The following NKAIN1 variants were observed in gnomAD, a reference collection of about 807,000 sequenced individuals.
NKAIN1 encodes sodium/potassium transporting ATPase interacting 1, also known as sodium/potassium-transporting ATPase subunit beta-1-interacting protein 1.
A neutral mutation model predicts 31.6 loss-of-function variants in NKAIN1; 13 were observed. The ratio of observed to expected loss-of-function variants is 0.41; its 90% confidence interval spans 0.27 to 0.65. The LOEUF is 0.65. NKAIN1 is among the 30% of genes least tolerant of loss of function. The probability of loss-of-function intolerance (pLI) is 0.30; values close to 1 mark genes in which losing one functional copy is unlikely to be tolerated. For synonymous variants in NKAIN1, 104 were observed against 109.0 expected (o/e 0.95, Z 0.28); for missense variants, 193 against 262.2 (o/e 0.74, Z 1.82).
intron 1 of NKAIN1, among the ~76,000 whole-genome samples, chr1:31,193,487 G>A (rs961260923): frequency 1.3e-5 from 2 of 152,006 alleles, no homozygotes; most frequent in African/African-American, 2.4e-5. Flanking sequence ...ACGAGGTCAG[G>A]AGTTCGAGAT....
chr1:31,200,013 GCACACACACACGCACA>G (rs1250722321), intron 1 of NKAIN1, among the ~76,000 whole-genome samples: 2 of 95,164 alleles, frequency 2.1e-5, no homozygotes, highest in African/African-American at 6.2e-5. Context: ...GCACACACAT[GCACACACACACGCACA>G]CACACACACA....
intron 1 of NKAIN1, among the ~76,000 whole-genome samples, chr1:31,202,460 G>A (rs1037951305): frequency 2.0e-5 from 3 of 151,838 alleles, no homozygotes; most frequent in Admixed American, 6.6e-5. Context: ...GGCGGATCAC[G>A]AGGTCAGGAG....
intron 1 of NKAIN1, among the ~76,000 whole-genome samples, chr1:31,195,959 C>T (rs2148352995): frequency 6.6e-6 from 1 of 151,646 alleles, no homozygotes; most frequent in Non-Finnish European, 1.5e-5. Flanking sequence ...TCTCAACACT[C>T]TCACCCCCAA....
intron 1 of NKAIN1, among the ~76,000 whole-genome samples, chr1:31,216,435 T>A (rs1254288266): frequency 6.6e-6 from 1 of 152,220 alleles, no homozygotes; most frequent in Non-Finnish European, 1.5e-5. Flanking sequence ...TTGATTCATT[T>A]AATCTTCAAA....
At chr1:31,190,883 T>A (rs1645279566) in intron 1 of NKAIN1, among the ~76,000 whole-genome samples, 1 of 152,178 alleles carries the variant, frequency 6.6e-6, no homozygotes, top group African/African-American at 2.4e-5. Flanking sequence ...AGCTTGATGT[T>A]CTTGACTCAG....
At chr1:31,185,025 C>T (rs1645231743) in intron 3 of NKAIN1, 1 of 535,046 alleles carries the variant, frequency 1.9e-6, no homozygotes, top group Admixed American at 3.1e-5. Context: ...GGCTCATCTT[C>T]ACATGGACTG....
intron 1 of NKAIN1, among the ~76,000 whole-genome samples, chr1:31,210,291 CT>C (rs5773343): frequency 0.73 from 99,030 of 136,226 alleles, 36,307 homozygotes; most frequent in Middle Eastern, 0.88. Context: ...TTTTGCCATT[CT>C]TTTTTTTTTT....
chr1:31,223,390 A>AG lies in NKAIN1; in HGVS notation c.54+16103_54+16104insC, dbSNP rs1211234248. On this transcript the variant is annotated intron_variant, in intron 1 of 6. Coordinates refer to ENST00000373736, the MANE Select transcript of NKAIN1 (RefSeq NM_024522.3). ...GACTCCATCTCAAAAAAAAAAAAAA[A>AG]AAAGAAAGAAAGAAATACTCCATAA... Among the ~76,000 whole-genome samples, 187 of 151,616 alleles carry AG rather than the reference A, an allele frequency of 1.2e-3. 1 individual carries two copies. The highest frequency in any genetic ancestry group is 6.1e-3 in the South Asian group (29 of 4,786).
intron 1 of NKAIN1, among the ~76,000 whole-genome samples, chr1:31,212,184 A>C (rs931977037): frequency 5.3e-5 from 8 of 152,144 alleles, no homozygotes; most frequent in African/African-American, 1.9e-4. Flanking sequence ...CAAGGGTGCC[A>C]AGACTATTCA....
At chr1:31,198,840 C>T (rs1645352400) in intron 1 of NKAIN1, among the ~76,000 whole-genome samples, 2 of 151,532 alleles carry the variant, frequency 1.3e-5, no homozygotes. Context: ...ATGCTCTTGT[C>T]TGTCTAGACG....
intron 1 of NKAIN1, among the ~76,000 whole-genome samples, chr1:31,193,115 C>T (rs1385720821): frequency 6.6e-6 from 1 of 151,274 alleles, no homozygotes; most frequent in African/African-American, 2.4e-5. Context: ...GTCTCCCAGG[C>T]TGGAGTGCAG....
chr1:31,185,115 A>T (rs976386015), intron 3 of NKAIN1, 132 bp downstream of exon 3: 11 of 694,058 alleles, frequency 1.6e-5, no homozygotes, highest in Non-Finnish European at 2.8e-5. Flanking sequence ...GGGCACACAG[A>T]TTATTTGGGC....
At chr1:31,205,723 A>T (rs1173129562) in intron 1 of NKAIN1, among the ~76,000 whole-genome samples, 1 of 145,762 alleles carries the variant, frequency 6.9e-6, no homozygotes, top group Non-Finnish European at 1.5e-5. Flanking sequence ...CCCAGGTGTA[A>T]GCAATTCTCC....
intron 1 of NKAIN1, among the ~76,000 whole-genome samples, chr1:31,206,523 C>A (rs892354059): frequency 1.2e-4 from 18 of 152,060 alleles, no homozygotes; most frequent in African/African-American, 4.1e-4. Flanking sequence ...GCAACCTCTG[C>A]CTCCTGGGCT....
At chr1:31,225,018 T>TTTTTCTTTTC (rs146707266) in intron 1 of NKAIN1, among the ~76,000 whole-genome samples, 2 of 137,568 alleles carry the variant, frequency 1.5e-5, no homozygotes, top group African/African-American at 6.0e-5. Context: ...AGCCCATTTC[T>TTTTTCTTTTC]TTTTCTTTTC....
intron 1 of NKAIN1, among the ~76,000 whole-genome samples, chr1:31,208,715 C>T (rs1645444069): frequency 6.6e-6 from 1 of 152,162 alleles, no homozygotes; most frequent in South Asian, 2.1e-4. Flanking sequence ...CTTGAAGCTG[C>T]CCCGGACTTT....
chr1:31,185,601 G>C (rs1485927160), intron 2 of NKAIN1, among the ~76,000 whole-genome samples: 1 of 152,134 alleles, frequency 6.6e-6, no homozygotes, highest in Non-Finnish European at 1.5e-5. Context: ...GAGGAGGTAG[G>C]GCTGCCACTC....
At position 31,212,694 on chromosome 1, in the gene NKAIN1, C is replaced by T. The variant is rs142728842; in HGVS notation, c.55-24507G>A. Among the ~76,000 whole-genome samples, 1,158 of 152,040 alleles carry T rather than the reference C, an allele frequency of 7.6e-3. 10 individuals carry two copies. The highest frequency in any genetic ancestry group is 0.026 in the African/African-American group (1,093 of 41,524). ...CTTTTGAATTACAGACGTGAGCCAC[C>T]GCACCCAGCCATAAAAATAAGCTTG... is the stretch of plus-strand genomic sequence containing the variant. On this transcript the variant is annotated intron_variant, in intron 1 of 6. Coordinates refer to ENST00000373736, the MANE Select transcript of NKAIN1 (RefSeq NM_024522.3).
intron 1 of NKAIN1, among the ~76,000 whole-genome samples, chr1:31,209,710 C>T (rs746123272): frequency 7.9e-5 from 12 of 151,690 alleles, no homozygotes; most frequent in Non-Finnish European, 1.3e-4. Context: ...CCAGCTACTC[C>T]GGAGGCTGAG....
Sources: gnomAD v4.1 joint callset for allele counts (sites outside exome capture counted in the v4.1 genomes callset) on GRCh38, gnomAD v4.1.1 for gene constraint, MANE v1.5 for transcripts, NCBI Gene and HGNC (gene_info 2026-07-23, HGNC 2026-07-21) for gene names.